IGSF9B: variants seen among roughly 807,000 people sequenced by gnomAD.
IGSF9B encodes immunoglobulin superfamily member 9B.
In IGSF9B, 48 loss-of-function variants were observed where a neutral mutation model predicts 143.7. That is an observed-to-expected ratio of 0.33 (90% CI 0.26 to 0.42). The LOEUF (loss-of-function observed/expected upper bound fraction) is 0.42, where lower values mean the gene tolerates loss of function less well. Among genes scored for constraint, IGSF9B ranks in the 20% least tolerant of loss-of-function variants. IGSF9B has a pLI of 1.00. For missense variants in IGSF9B, 1,706 were observed against 1,980.0 expected (o/e 0.86, Z 2.63); for synonymous variants, 903 against 833.1 (o/e 1.08, Z -1.44).
At position 133,901,820 on chromosome 11, in the gene IGSF9B, CCA is replaced by C. The variant is rs543604253; in HGVS notation, c.*7247_*7248del. ...CACCACACACAACAGACACACCACA[CCA>C]CACACACAAACACACACACACCACA... On this transcript the variant is annotated 3_prime_UTR_variant, in exon 20 of 20. Transcript: ENST00000533871. Among the ~76,000 whole-genome samples the C allele has an allele frequency of 6.7e-6, 1 of 148,840 alleles. No homozygotes were observed. Among genetic ancestry groups the C allele is most frequent in the South Asian group, 2.1e-4 (1 of 4,664 alleles).
chr11:133,933,099 A>T lies in IGSF9B; in HGVS notation c.968-886T>A, dbSNP rs549203858. Reference sequence around the variant, plus strand: ...CCCATGCACCAGCCCAGGTGCTCAGAACTTCTGTTCTGAGTGTCTGGAGGC... The same window carrying T: ...CCCATGCACCAGCCCAGGTGCTCAGTACTTCTGTTCTGAGTGTCTGGAGGC... On this transcript the variant is annotated intron_variant, in intron 7 of 19. Coordinates refer to ENST00000533871, the MANE Select transcript of IGSF9B (RefSeq NM_001277285.4). Among the ~76,000 whole-genome samples the T allele has an allele frequency of 2.6e-5, 4 of 152,184 alleles. No individual in the cohort carries two copies. The East Asian group carries it at 7.7e-4, about 29-fold the overall frequency.
chr11:133,919,962 T>C lies in IGSF9B; in HGVS notation c.3763A>G (p.Thr1255Ala), dbSNP rs1565421954. 1 of 1,564,506 alleles carries C rather than the reference T, an allele frequency of 6.4e-7. No individual in the cohort carries two copies. The highest frequency in any genetic ancestry group is 8.7e-7 in the Non-Finnish European group (1 of 1,154,520). ...VSFSRKSTPS[T>A]GSPSQSSRSG... ...CGGCTGCTCTGGGAGGGGGAGCCTGTGGACGGCGTAGACTTTCGAGAAAAG... is the reference window on the plus strand; with the variant it reads ...CGGCTGCTCTGGGAGGGGGAGCCTGCGGACGGCGTAGACTTTCGAGAAAAG... The change falls in exon 18 of 20, where the codon ACA becomes GCA. Residue 1255 changes from threonine to alanine, a missense_variant. Coordinates refer to ENST00000533871, the MANE Select transcript of IGSF9B (RefSeq NM_001277285.4).
rs1939159760 is a variant in IGSF9B at position 133,902,797 on chromosome 11, T to C, written c.*6272A>G. ...TTGATAGAGTGGCTGACAACTACCC[T>C]TTCAAGAACTGCAAGATGACCGTGA... On this transcript the variant is annotated 3_prime_UTR_variant, in exon 20 of 20. Transcript: ENST00000533871. Among the ~76,000 whole-genome samples, 1 of 152,108 alleles carries C rather than the reference T, an allele frequency of 6.6e-6. No individual in the cohort carries two copies. Among genetic ancestry groups the C allele is most frequent in the Admixed American group, 6.5e-5 (1 of 15,274 alleles).
At chr11:133,944,498 T>C in intron 2 of IGSF9B, 132 bp from the exon 3 acceptor site, 1 of 961,776 alleles carries the variant, frequency 1.0e-6, no homozygotes, top group East Asian at 2.7e-5. Context: ...GGCTCCAGAA[T>C]AACAGCTGGC....
chr11:133,922,347 T>A (rs79137364), intron 16 of IGSF9B, 125 bp from the exon 17 acceptor site: 37,833 of 1,007,470 alleles, frequency 0.038, 921 homozygotes, highest in Middle Eastern at 0.079. Context: ...ACAGTGGGCA[T>A]CTTTGGCCCC....
At chr11:133,927,228 C>T (rs1238803643) in intron 12 of IGSF9B, 137 bp from the exon 13 acceptor site, 10 of 712,290 alleles carry the variant, frequency 1.4e-5, no homozygotes, top group Non-Finnish European at 2.4e-5. Context: ...AAGAAGAGGG[C>T]ATGGCCCAGA....
chr11:133,923,240 A>C (rs1939573688), intron 15 of IGSF9B, among the ~76,000 whole-genome samples: 1 of 152,232 alleles, frequency 6.6e-6, no homozygotes, highest in Non-Finnish European at 1.5e-5. Flanking sequence ...GTGTCTCTAC[A>C]AAAGGAGAGC....
chr11:133,924,751 A>G (rs1939595275), intron 15 of IGSF9B, 69 bp downstream of exon 15: 3 of 1,309,224 alleles, frequency 2.3e-6, no homozygotes, highest in Non-Finnish European at 3.3e-6. Flanking sequence ...GCCATTTCAC[A>G]AAATGACCCC....
intron 6 of IGSF9B, 58 bp downstream of exon 6, chr11:133,935,995 C>A (rs999930970): frequency 6.3e-7 from 1 of 1,586,714 alleles, no homozygotes; most frequent in African/African-American, 1.3e-5. Context: ...TGCTCAGGGG[C>A]CCTGCCCGTG....
Position 133,909,386 on chromosome 11 carries a change from A to T in IGSF9B, c.4106-109T>A, listed in dbSNP as rs551899877. On this transcript the variant is annotated intron_variant, in intron 19 of 19. Transcript: ENST00000533871. The surrounding 1 kb of genome is among the most constrained non-coding windows in gnomAD (Gnocchi z 4.2). ...TTTGTTCCGGGTTTCTAATGTTGAA[A>T]CAAAGGAATCACCTGAGTCTAGAGA... The T allele has an allele frequency of 3.1e-5, 28 of 901,878 alleles. No homozygotes were observed. In the Admixed American group the frequency reaches 3.4e-4, roughly 11 times the overall value. The allele number at this position is 901,878 out of a possible 1,614,324, so 55.9% of individuals were successfully genotyped here.
intron 1 of IGSF9B, among the ~76,000 whole-genome samples, chr11:133,956,114 G>A (rs1393001209): frequency 6.6e-6 from 1 of 152,152 alleles, no homozygotes. Context: ...CCCCTGCTAG[G>A]GGGATCCGAC....
chr11:133,931,832 C>T lies in IGSF9B; in HGVS notation c.1111-37G>A, dbSNP rs1320297154. On this transcript the variant is annotated intron_variant, in intron 8 of 19. Coordinates refer to ENST00000533871, the MANE Select transcript of IGSF9B (RefSeq NM_001277285.4). The surrounding 1 kb of genome is among the most constrained non-coding windows in gnomAD (Gnocchi z 7.7). ...AGACGATAGGGCAGGGAACGCTGGT[C>T]AGAGACTCCGCGCTCCATCCCAGGC... 1 of 1,606,466 alleles carries T rather than the reference C, an allele frequency of 6.2e-7. No homozygotes were observed. Among genetic ancestry groups the T allele is most frequent in the South Asian group, 1.1e-5 (1 of 89,932 alleles).
Position 133,902,554 on chromosome 11 carries a change from T to TACACACACACACCCCAC in IGSF9B, c.*6498_*6514dup, listed in dbSNP as rs761896968. 0.2 allele frequency among the ~76,000 whole-genome samples: 21,882 copies of TACACACACACACCCCAC among 109,238 alleles called. 1,859 individuals are homozygous for TACACACACACACCCCAC. Among genetic ancestry groups the TACACACACACACCCCAC allele is most frequent in the Middle Eastern group, 0.31 (57 of 184 alleles). 71.7% of individuals were successfully genotyped at this position (109,238 alleles called of 152,430 possible). A position where few individuals can be genotyped will look rare whatever the true frequency, so the allele number is the denominator to read the frequency against. Reference sequence around the variant, plus strand: ...ACACACATATACCACACACACCACATACACACACACACCCCACACACACAC... The same window carrying TACACACACACACCCCAC: ...ACACACATATACCACACACACCACATACACACACACACCCCACACACACACACACCCCACACACACAC... On this transcript the variant is annotated 3_prime_UTR_variant, in exon 20 of 20. Coordinates refer to ENST00000533871, the MANE Select transcript of IGSF9B (RefSeq NM_001277285.4).
At chr11:133,937,781 C>A in intron 4 of IGSF9B, 29 bp downstream of exon 4, 1 of 1,600,848 alleles carries the variant, frequency 6.2e-7, no homozygotes, top group South Asian at 1.1e-5. Flanking sequence ...GAAGAGACCG[C>A]AGCGGCCCCA....
rs1236387658 is a variant in IGSF9B at position 133,902,009 on chromosome 11, CCA to C, written c.*7058_*7059del. Among the ~76,000 whole-genome samples, 8 of 124,684 alleles carry C rather than the reference CCA, an allele frequency of 6.4e-5. No homozygotes were observed. Among genetic ancestry groups the C allele is most frequent in the South Asian group, 4.5e-4 (2 of 4,436 alleles). 81.8% of individuals were successfully genotyped at this position (124,684 alleles called of 152,430 possible). A position where few individuals can be genotyped will look rare whatever the true frequency, so the allele number is the denominator to read the frequency against. ...CAGACACATCACACACACACACACA[CCA>C]GACATACACACACCATACCACACAC... is the stretch of plus-strand genomic sequence containing the variant. On this transcript the variant is annotated 3_prime_UTR_variant, in exon 20 of 20. Transcript: ENST00000533871.
At chr11:133,938,272 C>T (rs533471480) in intron 3 of IGSF9B, among the ~76,000 whole-genome samples, 3 of 152,284 alleles carry the variant, frequency 2.0e-5, no homozygotes, top group Non-Finnish European at 2.9e-5. Context: ...GCTTTGCTAC[C>T]ATCCTTCAGT....
chr11:133,910,118 C>T (rs888670102), intron 19 of IGSF9B, among the ~76,000 whole-genome samples: 5 of 152,124 alleles, frequency 3.3e-5, no homozygotes, highest in Non-Finnish European at 7.3e-5. Context: ...GGCAGGGCAT[C>T]TAGGAGCTTG....
Position 133,901,340 on chromosome 11 carries a change from A to T in IGSF9B, c.*7729T>A, listed in dbSNP as rs1939115265. The T allele has an allele frequency of 6.6e-6, 1 of 152,022 alleles. No individual in the cohort carries two copies. The highest frequency in any genetic ancestry group is 1.5e-5 in the Non-Finnish European group (1 of 67,966). The allele number at this position is 152,022 out of a possible 1,614,324, so 9.4% of individuals were successfully genotyped here. ...ATCCCAGACTGCCTGGGAAGGTAGCACTGCTCAAAACATCTCTAAGCACAG... is the reference window on the plus strand; with the variant it reads ...ATCCCAGACTGCCTGGGAAGGTAGCTCTGCTCAAAACATCTCTAAGCACAG... On this transcript the variant is annotated 3_prime_UTR_variant, in exon 20 of 20. Coordinates refer to ENST00000533871, the MANE Select transcript of IGSF9B (RefSeq NM_001277285.4).
At chr11:133,933,462 C>T (rs1455607764) in intron 7 of IGSF9B, among the ~76,000 whole-genome samples, 1 of 152,222 alleles carries the variant, frequency 6.6e-6, no homozygotes, top group Non-Finnish European at 1.5e-5. Flanking sequence ...AATGCTGAAT[C>T]AGGCCAGGTG....
Sources: gnomAD v4.1 joint callset for allele counts (sites outside exome capture counted in the v4.1 genomes callset) on GRCh38, gnomAD v4.1.1 for gene constraint, Gnocchi (gnomAD v3.1) non-coding constraint, MANE v1.5 for transcripts, NCBI Gene and HGNC (gene_info 2026-07-23, HGNC 2026-07-21) for gene names.